The following OVAAL variants were observed in gnomAD, a reference collection of about 807,000 sequenced individuals.
OVAAL encodes long intergenic non-protein coding RNA 1131.
intron 2 of OVAAL, among the ~76,000 whole-genome samples, chr1:180,562,671 T>C (rs1037793617): frequency 2.0e-5 from 3 of 152,116 alleles, no homozygotes; most frequent in African/African-American, 7.2e-5. Context: ...GTGCTGAATA[T>C]GAAGTGAGGC....
At chr1:180,561,273 C>T (rs1048359125) in intron 1 of OVAAL, among the ~76,000 whole-genome samples, 2 of 152,152 alleles carry the variant, frequency 1.3e-5, no homozygotes, top group African/African-American at 4.8e-5. Flanking sequence ...ACAGTAGTGA[C>T]CAGATACTTA....
exon 3 of OVAAL, chr1:180,566,333 A>G (rs546983540): frequency 6.6e-6 from 1 of 152,336 alleles, no homozygotes; most frequent in East Asian, 1.9e-4. Flanking sequence ...GAAGGTTTGC[A>G]TTGAATTATT....
chr1:180,559,382 G>C (rs1257802920), intron 1 of OVAAL, among the ~76,000 whole-genome samples: 1 of 152,190 alleles, frequency 6.6e-6, no homozygotes, highest in East Asian at 1.9e-4. Flanking sequence ...ATTGGGAACT[G>C]GAGCAAAGCA....
intron 2 of OVAAL, among the ~76,000 whole-genome samples, chr1:180,563,897 C>A (rs1653251006): frequency 6.6e-6 from 1 of 152,086 alleles, no homozygotes. Flanking sequence ...GAGCTGGCTG[C>A]AACCAATTAT....
chr1:180,560,548 C>G (rs1653181712), intron 1 of OVAAL, among the ~76,000 whole-genome samples: 1 of 152,210 alleles, frequency 6.6e-6, no homozygotes, highest in African/African-American at 2.4e-5. Context: ...GGATTTTTAG[C>G]TGTACCTCAG....
At chr1:180,561,723 T>A (rs1653208625) in intron 1 of OVAAL, among the ~76,000 whole-genome samples, 1 of 152,200 alleles carries the variant, frequency 6.6e-6, no homozygotes, top group African/African-American at 2.4e-5. Context: ...ATTTTATTTT[T>A]TTTTTAATTA....
At chr1:180,564,748 C>T (rs190435487) in intron 2 of OVAAL, among the ~76,000 whole-genome samples, 1 of 152,058 alleles carries the variant, frequency 6.6e-6, no homozygotes, top group Non-Finnish European at 1.5e-5. Flanking sequence ...TCGATGTTCA[C>T]CTTTGCTTGA....
intron 1 of OVAAL, among the ~76,000 whole-genome samples, chr1:180,562,001 C>T (rs950457274): frequency 3.4e-5 from 5 of 147,054 alleles, no homozygotes; most frequent in South Asian, 2.2e-4. Context: ...CCAGCCTGGG[C>T]GAGAAGAGTG....
At chr1:180,564,187 T>A (rs181647359) in intron 2 of OVAAL, among the ~76,000 whole-genome samples, 2 of 152,276 alleles carry the variant, frequency 1.3e-5, no homozygotes, top group East Asian at 3.9e-4. Context: ...TCCTTTCCAT[T>A]TTTTCTAAAA....
At chr1:180,561,753 C>T (rs1388337822) in intron 1 of OVAAL, among the ~76,000 whole-genome samples, 1 of 151,904 alleles carries the variant, frequency 6.6e-6, no homozygotes, top group Non-Finnish European at 1.5e-5. Context: ...CCAGGTGCAG[C>T]GGCTCACGCC....
At chr1:180,560,492 A>G (rs1016890759) in intron 1 of OVAAL, among the ~76,000 whole-genome samples, 7 of 152,200 alleles carry the variant, frequency 4.6e-5, no homozygotes, top group Non-Finnish European at 7.3e-5. Context: ...GGTGTCTCAA[A>G]AAGAGCAGAT....
intron 2 of OVAAL, among the ~76,000 whole-genome samples, chr1:180,562,745 T>C (rs1653230544): frequency 6.6e-6 from 1 of 152,090 alleles, no homozygotes; most frequent in Non-Finnish European, 1.5e-5. Flanking sequence ...GCTGGACAAA[T>C]ATCTGAATCA....
chr1:180,561,795 G>A (rs1653210204), intron 1 of OVAAL, among the ~76,000 whole-genome samples: 1 of 152,124 alleles, frequency 6.6e-6, no homozygotes, highest in Non-Finnish European at 1.5e-5. Flanking sequence ...GGCAGAGGCT[G>A]GCAGATAACC....
At chr1:180,560,109 A>C (rs1653174709) in intron 1 of OVAAL, among the ~76,000 whole-genome samples, 1 of 152,140 alleles carries the variant, frequency 6.6e-6, no homozygotes, top group Admixed American at 6.6e-5. Context: ...TGAGGCTTAG[A>C]GAGGGTAAGT....
chr1:180,563,938 AC>A (rs1243077309), intron 2 of OVAAL, among the ~76,000 whole-genome samples: 1 of 151,910 alleles, frequency 6.6e-6, no homozygotes, highest in Admixed American at 6.6e-5. Context: ...CAATGGCCTG[AC>A]CATCACCCGA....
chr1:180,562,748 C>G (rs1482839886), intron 2 of OVAAL, among the ~76,000 whole-genome samples: 1 of 152,166 alleles, frequency 6.6e-6, no homozygotes, highest in Non-Finnish European at 1.5e-5. Context: ...GGACAAATAT[C>G]TGAATCAGGG....
At chr1:180,564,546 G>A (rs1270650115) in intron 2 of OVAAL, among the ~76,000 whole-genome samples, 17 of 152,086 alleles carry the variant, frequency 1.1e-4, no homozygotes, top group Admixed American at 1.1e-3. Flanking sequence ...AGTCTGGTTA[G>A]CAAAAGGAGA....
chr1:180,561,906 C>T (rs892700521), intron 1 of OVAAL, among the ~76,000 whole-genome samples: 1 of 151,756 alleles, frequency 6.6e-6, no homozygotes, highest in Admixed American at 6.6e-5. Context: ...ACCTGTAATC[C>T]CAGCTACTTG....
chr1:180,559,939 G>A (rs1455559155), intron 1 of OVAAL, among the ~76,000 whole-genome samples: 1 of 150,878 alleles, frequency 6.6e-6, no homozygotes, highest in Admixed American at 6.6e-5. Context: ...TGAAACTATA[G>A]CCACCTCAGG....
Sources: gnomAD v4.1 joint callset for allele counts (sites outside exome capture counted in the v4.1 genomes callset) on GRCh38, gnomAD v4.1.1 for gene constraint, MANE v1.5 for transcripts, NCBI Gene and HGNC (gene_info 2026-07-23, HGNC 2026-07-21) for gene names.